The following GATB variants were observed in gnomAD, a reference collection of about 807,000 sequenced individuals.
The protein encoded by GATB is glutamyl-tRNA amidotransferase subunit B.
In GATB, 39 loss-of-function variants were observed where a neutral mutation model predicts 62.3. The ratio of observed to expected loss-of-function variants is 0.63; its 90% CI spans 0.48 to 0.82. GATB has a LOEUF of 0.82. Ranked by LOEUF, GATB falls within the 40% of genes least tolerant of loss-of-function variation. GATB has a pLI of 0.00. For missense variants in GATB, 670 were observed against 684.0 expected (o/e 0.98, Z 0.23); for synonymous variants, 276 against 258.9 (o/e 1.07, Z -0.63).
At chr4:151,716,396 C>G (rs1446160989) in intron 4 of GATB, among the ~76,000 whole-genome samples, 1 of 151,884 alleles carries the variant, frequency 6.6e-6, no homozygotes, top group East Asian at 1.9e-4. Context: ...GATCCTCCCA[C>G]CTCAGCCTCC....
At chr4:151,715,139 T>C (rs1738889327) in intron 5 of GATB, among the ~76,000 whole-genome samples, 1 of 152,212 alleles carries the variant, frequency 6.6e-6, no homozygotes, top group African/African-American at 2.4e-5. Context: ...GAGATGAACA[T>C]CATCATCAAC....
chr4:151,698,005 C>G (rs1031988851), intron 9 of GATB, among the ~76,000 whole-genome samples: 1 of 108,446 alleles, frequency 9.2e-6, no homozygotes, highest in African/African-American at 4.6e-5. Context: ...GAAATGAAGG[C>G]AACTTGACAT....
intron 2 of GATB, among the ~76,000 whole-genome samples, chr4:151,742,626 G>A (rs1364957568): frequency 2.6e-5 from 4 of 152,200 alleles, no homozygotes; most frequent in Admixed American, 1.3e-4. Flanking sequence ...CTTGGGGTCA[G>A]ATGTACTAAC....
chr4:151,674,619 CGT>C (rs1737956854), intron 11 of GATB: 1 of 152,130 alleles, frequency 6.6e-6, no homozygotes, highest in East Asian at 1.9e-4. Flanking sequence ...GGGATCATAA[CGT>C]ATATTCAGTT....
intron 5 of GATB, among the ~76,000 whole-genome samples, chr4:151,713,724 C>G (rs1048779746): frequency 6.6e-6 from 1 of 152,176 alleles, no homozygotes; most frequent in Non-Finnish European, 1.5e-5. Flanking sequence ...ACCTTGCTAT[C>G]CTGCCTCTCT....
chr4:151,713,363 C>A (rs866825744), intron 5 of GATB, among the ~76,000 whole-genome samples: 1 of 152,180 alleles, frequency 6.6e-6, no homozygotes, highest in Non-Finnish European at 1.5e-5. Context: ...TCCACGAAAC[C>A]GGTCCCCGGA....
At chr4:151,684,877 T>C (rs1560842691) in intron 10 of GATB, among the ~76,000 whole-genome samples, 1 of 152,230 alleles carries the variant, frequency 6.6e-6, no homozygotes, top group Non-Finnish European at 1.5e-5. Context: ...CTCAACAGGC[T>C]AATTTATCTC....
At chr4:151,743,463 A>G (rs1455191356) in intron 2 of GATB, among the ~76,000 whole-genome samples, 1 of 152,260 alleles carries the variant, frequency 6.6e-6, no homozygotes, top group African/African-American at 2.4e-5. Flanking sequence ...ATACATCTAT[A>G]AACATATTAC....
At chr4:151,738,487 G>A (rs1739423417) in intron 2 of GATB, among the ~76,000 whole-genome samples, 1 of 152,190 alleles carries the variant, frequency 6.6e-6, no homozygotes. Flanking sequence ...CCCCAGCCAG[G>A]TGGAATGGTA....
chr4:151,758,671 T>G (rs899197325), intron 2 of GATB, 101 bp downstream of exon 2: 1 of 1,026,452 alleles, frequency 9.7e-7, no homozygotes, highest in Non-Finnish European at 1.4e-6. Context: ...AATAAGTATT[T>G]CCAAAGAGTT....
rs1295030611 is a variant in GATB at position 151,701,397 on chromosome 4, G to A, written c.1129C>T (p.Pro377Ser). ...ACAAGCTTCTCTCGGGTCACACTGG[G>A]GAGCTCCGGGAGTGTCTCCCGAATC... ...DQIRETLPELPSVTREKLVQQ... is the reference protein window; with the variant it reads ...DQIRETLPELSSVTREKLVQQ... The change falls in exon 9 of 13, where the codon CCC becomes TCC. Residue 377 changes from proline to serine, a missense_variant. Transcript: ENST00000263985. 6.2e-7 allele frequency: 1 copy of A among 1,603,920 alleles called. No homozygotes were observed.
intron 5 of GATB, 124 bp downstream of exon 5, chr4:151,715,885 G>T: frequency 8.7e-7 from 1 of 1,146,232 alleles, no homozygotes; most frequent in Middle Eastern, 2.4e-4. Flanking sequence ...GGTTGCAAAA[G>T]GCTGGGGAAA....
At chr4:151,741,925 C>T (rs1336461359) in intron 2 of GATB, among the ~76,000 whole-genome samples, 6 of 152,252 alleles carry the variant, frequency 3.9e-5, no homozygotes, top group Non-Finnish European at 8.8e-5. Flanking sequence ...TGCATCCTTG[C>T]ACATCTAGCG....
chr4:151,754,437 C>T (rs1488179650), intron 2 of GATB, among the ~76,000 whole-genome samples: 2 of 152,186 alleles, frequency 1.3e-5, no homozygotes, highest in Non-Finnish European at 2.9e-5. Flanking sequence ...GGTAGTGCAA[C>T]TGCCTGCTTG....
chr4:151,712,712 A>G (rs1578916955), intron 5 of GATB, among the ~76,000 whole-genome samples: 1 of 152,318 alleles, frequency 6.6e-6, no homozygotes, highest in East Asian at 1.9e-4. Flanking sequence ...TGGTAATTCC[A>G]TAAAAGTATT....
intron 5 of GATB, among the ~76,000 whole-genome samples, chr4:151,715,774 A>G (rs1738899767): frequency 6.6e-6 from 1 of 152,186 alleles, no homozygotes; most frequent in Non-Finnish European, 1.5e-5. Flanking sequence ...TGTCTCTGCA[A>G]TGTTGTTGGT....
chr4:151,672,224 T>C (rs1056382323), intron 12 of GATB, among the ~76,000 whole-genome samples: 1 of 152,226 alleles, frequency 6.6e-6, no homozygotes, highest in African/African-American at 2.4e-5. Context: ...TGTCTTGTGC[T>C]GTGCTAAGAA....
At chr4:151,760,724 G>C in intron 1 of GATB, 83 bp downstream of exon 1, 1 of 1,317,730 alleles carries the variant, frequency 7.6e-7, no homozygotes, top group East Asian at 2.5e-5. Context: ...ACGTCTAGAA[G>C]CTGGGCCGTA....
intron 9 of GATB, among the ~76,000 whole-genome samples, chr4:151,695,548 T>C (rs888199242): frequency 1.3e-5 from 2 of 152,118 alleles, no homozygotes; most frequent in East Asian, 3.9e-4. Context: ...CTCGGGATGC[T>C]CTGGCTTCCT....
Sources: allele counts gnomAD v4.1 joint callset (sites outside exome capture counted in the v4.1 genomes callset), GRCh38; gene constraint gnomAD v4.1.1; transcripts MANE v1.5; gene names NCBI Gene and HGNC (gene_info 2026-07-23, HGNC 2026-07-21).